The following KCNK13 variants were observed in gnomAD, a reference collection of about 807,000 sequenced individuals.
KCNK13 encodes the protein potassium channel subfamily K member 13.
A neutral mutation model predicts 23.4 loss-of-function variants in KCNK13; 12 were observed. That is an observed-to-expected ratio of 0.51 (90% confidence interval 0.33 to 0.83). The LOEUF is 0.83. KCNK13 is among the 40% of genes least tolerant of loss of function. KCNK13 has a pLI of 0.02. For missense variants in KCNK13, 463 were observed against 556.3 expected, an observed-to-expected ratio of 0.83 and a Z score of 1.69; for synonymous variants, 231 against 229.5, an observed-to-expected ratio of 1.01 and a Z score of -0.06.
At chr14:90,152,990 T>C (rs28605948) in intron 1 of KCNK13, among the ~76,000 whole-genome samples, 35,977 of 151,972 alleles carry the variant, frequency 0.24, 5,114 homozygotes, top group African/African-American at 0.37. Context: ...CACTCAACTC[T>C]GCCCATCCCC....
chr14:90,075,717 G>A (rs1172541632), intron 1 of KCNK13, among the ~76,000 whole-genome samples: 1 of 152,094 alleles, frequency 6.6e-6, no homozygotes, highest in Non-Finnish European at 1.5e-5. Context: ...CTGACCTCAG[G>A]TGATCTGCCC....
At chr14:90,133,570 A>G (rs1447000753) in intron 1 of KCNK13, among the ~76,000 whole-genome samples, 1 of 149,664 alleles carries the variant, frequency 6.7e-6, no homozygotes. Context: ...GGGTTTTCAA[A>G]TCTTATTTAG....
intron 1 of KCNK13, among the ~76,000 whole-genome samples, chr14:90,073,392 C>G (rs569488482): frequency 1.7e-4 from 26 of 152,288 alleles, no homozygotes; most frequent in African/African-American, 6.3e-4. Context: ...TGAGGGGTAC[C>G]CGCCCCCAGG....
chr14:90,078,200 C>T (rs186775747), intron 1 of KCNK13, among the ~76,000 whole-genome samples: 1 of 152,198 alleles, frequency 6.6e-6, no homozygotes, highest in Admixed American at 6.5e-5. Context: ...GTGGGCAGAT[C>T]ACCTAAGTCA....
In KCNK13 at chr14:90,185,591, T is replaced by G. The variant is rs1890541617; in HGVS notation, c.*588T>G. The G allele has an allele frequency of 6.6e-6, 1 of 152,264 alleles. No individual in the cohort carries two copies. Among genetic ancestry groups the G allele is most frequent in the African/African-American group, 2.4e-5 (1 of 41,464 alleles). 9.4% of individuals were successfully genotyped at this position (152,264 alleles called of 1,614,324 possible). A position where few individuals can be genotyped will look rare whatever the true frequency, so the allele number is the denominator to read the frequency against. On this transcript the variant is annotated 3_prime_UTR_variant, in exon 2 of 2. Transcript: ENST00000282146. Reference sequence around the variant, plus strand: ...TCCCTTTCTTTTTATTTTTAAGGCCTTAATGCCTGGCTGTGGCGTCTGTGA... The same window carrying G: ...TCCCTTTCTTTTTATTTTTAAGGCCGTAATGCCTGGCTGTGGCGTCTGTGA...
intron 1 of KCNK13, among the ~76,000 whole-genome samples, chr14:90,142,061 A>G (rs1890014516): frequency 6.6e-6 from 1 of 151,898 alleles, no homozygotes; most frequent in Non-Finnish European, 1.5e-5. Flanking sequence ...TGCTGGGATT[A>G]CAGGCATGAG....
At chr14:90,139,184 T>C (rs1277682419) in intron 1 of KCNK13, among the ~76,000 whole-genome samples, 3 of 152,142 alleles carry the variant, frequency 2.0e-5, no homozygotes, top group Non-Finnish European at 4.4e-5. Flanking sequence ...TGAGAGGTTA[T>C]TTGAGATGGG....
intron 1 of KCNK13, among the ~76,000 whole-genome samples, chr14:90,078,583 A>T (rs904306332): frequency 6.6e-6 from 1 of 151,336 alleles, no homozygotes; most frequent in Non-Finnish European, 1.5e-5. Flanking sequence ...GAAGAGAGAG[A>T]GAGAGGGAGA....
At chr14:90,094,079 C>T (rs928393549) in intron 1 of KCNK13, among the ~76,000 whole-genome samples, 2 of 152,242 alleles carry the variant, frequency 1.3e-5, no homozygotes, top group Non-Finnish European at 2.9e-5. Flanking sequence ...GTCGTGCTGT[C>T]TGCATGGAAC....
chr14:90,109,135 C>T (rs970766031), intron 1 of KCNK13, among the ~76,000 whole-genome samples: 2 of 151,368 alleles, frequency 1.3e-5, no homozygotes, highest in Admixed American at 6.6e-5. Context: ...CGAGGTTGCG[C>T]CACTGCTCTC....
At chr14:90,171,974 G>A (rs563443184) in intron 1 of KCNK13, among the ~76,000 whole-genome samples, 7 of 152,228 alleles carry the variant, frequency 4.6e-5, no homozygotes, top group Admixed American at 3.9e-4. Context: ...ATTCTGTCTT[G>A]CAGAACTCAG....
At chr14:90,118,150 G>A (rs187827285) in intron 1 of KCNK13, among the ~76,000 whole-genome samples, 7 of 152,308 alleles carry the variant, frequency 4.6e-5, no homozygotes, top group East Asian at 1.9e-4. Context: ...GTCATTGTAC[G>A]TAAAGGTAGA....
intron 1 of KCNK13, among the ~76,000 whole-genome samples, chr14:90,088,887 A>C (rs1195880961): frequency 6.9e-6 from 1 of 145,768 alleles, no homozygotes; most frequent in Non-Finnish European, 1.5e-5. Flanking sequence ...GTTTCCCTGC[A>C]TGAGCTCTCT....
chr14:90,167,524 A>G (rs1246537086), intron 1 of KCNK13, among the ~76,000 whole-genome samples: 4 of 152,220 alleles, frequency 2.6e-5, no homozygotes, highest in South Asian at 2.1e-4. Context: ...ACTGGATTCA[A>G]TCCCAGACAT....
intron 1 of KCNK13, among the ~76,000 whole-genome samples, chr14:90,089,233 C>T (rs1889315694): frequency 6.6e-6 from 1 of 152,156 alleles, no homozygotes; most frequent in African/African-American, 2.4e-5. Context: ...GACAAAAATG[C>T]TGATAGTGAT....
At chr14:90,101,393 G>T (rs1889475376) in intron 1 of KCNK13, among the ~76,000 whole-genome samples, 1 of 152,146 alleles carries the variant, frequency 6.6e-6, no homozygotes, top group East Asian at 1.9e-4. Context: ...TTAGACGAGG[G>T]GGCAGGGGCA....
intron 1 of KCNK13, among the ~76,000 whole-genome samples, chr14:90,079,180 G>A (rs540533801): frequency 1.3e-5 from 2 of 152,250 alleles, no homozygotes; most frequent in South Asian, 2.1e-4. Context: ...GTAGGATGGA[G>A]GAAAGGGAGA....
chr14:90,139,942 A>G (rs528369628), intron 1 of KCNK13, among the ~76,000 whole-genome samples: 161 of 152,332 alleles, frequency 1.1e-3, no homozygotes, highest in Non-Finnish European at 1.9e-3. Context: ...AGCCTGGGTG[A>G]CAGAGCGAGA....
chr14:90,112,859 A>G (rs1355533708), intron 1 of KCNK13, among the ~76,000 whole-genome samples: 2 of 152,138 alleles, frequency 1.3e-5, no homozygotes, highest in Non-Finnish European at 2.9e-5. Context: ...AAAGTAATTG[A>G]TGAACCAAAT....
Sources: gnomAD v4.1 joint callset for allele counts (sites outside exome capture counted in the v4.1 genomes callset) on GRCh38, gnomAD v4.1.1 for gene constraint, MANE v1.5 for transcripts, NCBI Gene and HGNC (gene_info 2026-07-23, HGNC 2026-07-21) for gene names.